Variants in GRM8 observed in about 807,000 individuals in gnomAD.
The protein encoded by GRM8 is glutamate metabotropic receptor 8, also known as metabotropic glutamate receptor 8.
A neutral mutation model predicts 87.2 loss-of-function variants in GRM8; 47 were observed. The observed-to-expected ratio is 0.54, with a 90% CI of 0.43 to 0.69. GRM8 has a LOEUF of 0.69. Among genes scored for constraint, GRM8 ranks in the 30% least tolerant of loss-of-function variants. GRM8 has a pLI of 0.00. For missense variants in GRM8, 1,019 were observed against 1,139.2 expected (o/e 0.89, Z 1.52); for synonymous variants, 396 against 404.5 (o/e 0.98, Z 0.25).
At chr7:127,068,448 T>A (rs1286212013) in intron 3 of GRM8, among the ~76,000 whole-genome samples, 1 of 152,156 alleles carries the variant, frequency 6.6e-6, no homozygotes, top group Non-Finnish European at 1.5e-5. Flanking sequence ...CAGCAACATT[T>A]CCTGAGACAT....
chr7:127,127,987 T>C lies in GRM8; in HGVS notation c.511-21275A>G, dbSNP rs191773127. Among the ~76,000 whole-genome samples the C allele has an allele frequency of 2.6e-5, 4 of 152,254 alleles. No individual in the cohort carries two copies. The East Asian group carries it at 5.8e-4, about 22-fold the overall frequency. The stretch of plus-strand genomic sequence containing the variant: ...TATCTCGGCGTCTTGACATATCTTA[T>C]CTCCACTGGCACCTTTAGGCCTATG... On this transcript the variant is annotated intron_variant, in intron 2 of 10. Coordinates refer to ENST00000339582, the MANE Select transcript of GRM8 (RefSeq NM_000845.3).
At chr7:126,871,371 A>T (rs1799080908) in intron 6 of GRM8, among the ~76,000 whole-genome samples, 1 of 152,258 alleles carries the variant, frequency 6.6e-6, no homozygotes, top group Admixed American at 6.5e-5. Context: ...CTGAGTCTTT[A>T]TAGACGTTCC....
At position 126,545,951 on chromosome 7, in the gene GRM8, A is replaced by G. The variant is rs997017403; in HGVS notation, c.1495-12064T>C. Among the ~76,000 whole-genome samples, 3 of 152,284 alleles carry G rather than the reference A, an allele frequency of 2.0e-5. No homozygotes were observed. In the South Asian group the frequency reaches 6.2e-4, roughly 32 times the overall value. ...GGAGATGTTCTGTTCAGTGCAAAAC[A>G]CTTACCCATTTCAGTGTTAGCCCAT... is the stretch of plus-strand genomic sequence containing the variant. On this transcript the variant is annotated intron_variant, in intron 8 of 10. Coordinates refer to ENST00000339582, the MANE Select transcript of GRM8 (RefSeq NM_000845.3).
At position 127,071,597 on chromosome 7, in the gene GRM8, AGGT is replaced by A. The variant is rs1821695778; in HGVS notation, c.727+34896_727+34898del. Among the ~76,000 whole-genome samples, 9 of 152,294 alleles carry A rather than the reference AGGT, an allele frequency of 5.9e-5. No individual in the cohort carries two copies. The South Asian group carries it at 1.5e-3, about 25-fold the overall frequency. On this transcript the variant is annotated intron_variant, in intron 3 of 10. Coordinates refer to ENST00000339582, the MANE Select transcript of GRM8 (RefSeq NM_000845.3). ...AGTTGGTCGGACTGGATCAAAAGCT[AGGT>A]GGAAATAACCCTTCCTGGCAACTCA... is the stretch of plus-strand genomic sequence containing the variant.
At chr7:126,746,374 A>G (rs1344991860) in intron 7 of GRM8, among the ~76,000 whole-genome samples, 1 of 151,732 alleles carries the variant, frequency 6.6e-6, no homozygotes, top group Non-Finnish European at 1.5e-5. Flanking sequence ...TAACCAGGAA[A>G]TTCATCCATG....
intron 6 of GRM8, among the ~76,000 whole-genome samples, chr7:126,790,741 G>C (rs1359801754): frequency 6.6e-6 from 1 of 152,086 alleles, no homozygotes; most frequent in Admixed American, 6.5e-5. Context: ...AGGAACATAT[G>C]ATAAAATCAA....
chr7:126,790,003 TTC>T (rs1271694123), intron 6 of GRM8, among the ~76,000 whole-genome samples: 1 of 149,822 alleles, frequency 6.7e-6, no homozygotes, highest in Non-Finnish European at 1.5e-5. Flanking sequence ...TGAGAACACA[TTC>T]TCTCTCTCTT....
At chr7:127,144,256 GA>G (rs1285274051) in intron 2 of GRM8, among the ~76,000 whole-genome samples, 1 of 151,996 alleles carries the variant, frequency 6.6e-6, no homozygotes, top group Non-Finnish European at 1.5e-5. Flanking sequence ...TTATCAAGAA[GA>G]AAAAGAAAAG....
chr7:127,061,124 C>A (rs940948121), intron 3 of GRM8, among the ~76,000 whole-genome samples: 1 of 152,112 alleles, frequency 6.6e-6, no homozygotes, highest in Non-Finnish European at 1.5e-5. Context: ...CTTTAGGACT[C>A]CTAAGATTCA....
intron 7 of GRM8, among the ~76,000 whole-genome samples, chr7:126,690,570 G>A (rs913864915): frequency 6.6e-6 from 1 of 152,204 alleles, no homozygotes; most frequent in African/African-American, 2.4e-5. Flanking sequence ...AAGGGCCGCA[G>A]CTCTTCTCTG....
At chr7:126,643,756 A>G (rs1448076900) in intron 7 of GRM8, among the ~76,000 whole-genome samples, 1 of 152,226 alleles carries the variant, frequency 6.6e-6, no homozygotes, top group Non-Finnish European at 1.5e-5. Flanking sequence ...AAAACTAGGA[A>G]TTCAACAAAA....
intron 6 of GRM8, among the ~76,000 whole-genome samples, chr7:126,893,049 A>G (rs4098851): frequency 0.18 from 27,828 of 151,898 alleles, 2,596 homozygotes; most frequent in East Asian, 0.27. Flanking sequence ...AACCTTTTTA[A>G]ATGACATTTT....
intron 2 of GRM8, among the ~76,000 whole-genome samples, chr7:127,221,170 C>T (rs1432460402): frequency 1.3e-5 from 2 of 152,230 alleles, no homozygotes; most frequent in East Asian, 3.9e-4. Context: ...TCAAACAGGC[C>T]TTAAAAGTCT....
At chr7:126,659,529 C>T (rs1194658624) in intron 7 of GRM8, among the ~76,000 whole-genome samples, 1 of 152,104 alleles carries the variant, frequency 6.6e-6, no homozygotes, top group Non-Finnish European at 1.5e-5. Flanking sequence ...CATAATAAGC[C>T]TTCCACTTAG....
chr7:127,187,967 C>G (rs1468123795), intron 2 of GRM8, among the ~76,000 whole-genome samples: 1 of 152,186 alleles, frequency 6.6e-6, no homozygotes, highest in East Asian at 1.9e-4. Context: ...ATGTAACAAT[C>G]TTTTTTGTGG....
At chr7:127,198,713 G>A (rs1256758336) in intron 2 of GRM8, among the ~76,000 whole-genome samples, 1 of 151,612 alleles carries the variant, frequency 6.6e-6, no homozygotes, top group African/African-American at 2.4e-5. Flanking sequence ...CTGTCACCCA[G>A]GATAGAGTCT....
At chr7:126,901,332 A>G (rs1334484218) in intron 6 of GRM8, among the ~76,000 whole-genome samples, 1 of 152,134 alleles carries the variant, frequency 6.6e-6, no homozygotes, top group Non-Finnish European at 1.5e-5. Context: ...TACCCAGGTT[A>G]GTCTTTCACA....
chr7:126,996,128 G>C (rs1052343676), intron 3 of GRM8, among the ~76,000 whole-genome samples: 2 of 151,978 alleles, frequency 1.3e-5, no homozygotes, highest in African/African-American at 4.8e-5. Flanking sequence ...GCATGAAGGA[G>C]AAATAAAGAC....
intron 3 of GRM8, among the ~76,000 whole-genome samples, chr7:127,008,179 T>C (rs910711751): frequency 2.6e-5 from 4 of 152,068 alleles, no homozygotes; most frequent in African/African-American, 4.8e-5. Context: ...GATTATATGA[T>C]ACAAAGAGTA....
Sources: gnomAD v4.1 joint callset for allele counts (sites outside exome capture counted in the v4.1 genomes callset) on GRCh38, gnomAD v4.1.1 for gene constraint, MANE v1.5 for transcripts, NCBI Gene and HGNC (gene_info 2026-07-23, HGNC 2026-07-21) for gene names.